The following DOCK9 variants were observed in gnomAD, a reference collection of about 807,000 sequenced individuals.
The protein encoded by DOCK9 is dedicator of cytokinesis protein 9.
In DOCK9, 89 loss-of-function variants were observed where a neutral mutation model predicts 263.3. The observed-to-expected ratio is 0.34, with a 90% CI of 0.28 to 0.40. DOCK9 has a LOEUF of 0.40. DOCK9 is among the 10% of genes least tolerant of loss of function. DOCK9 has a pLI of 1.00. For synonymous variants in DOCK9, 976 were observed against 973.1 expected, an observed-to-expected ratio of 1.00 and a Z score of -0.06; for missense variants, 2,140 against 2,603.4, an observed-to-expected ratio of 0.82 and a Z score of 3.87.
chr13:98,972,128 T>C (rs1226611558), intron 1 of DOCK9, among the ~76,000 whole-genome samples: 1 of 152,210 alleles, frequency 6.6e-6, no homozygotes, highest in East Asian at 1.9e-4. Flanking sequence ...ATGTGTAACT[T>C]TGAGCAAGAG....
intron 1 of DOCK9, among the ~76,000 whole-genome samples, chr13:98,994,015 T>C (rs564110317): frequency 2.0e-5 from 3 of 152,298 alleles, no homozygotes; most frequent in South Asian, 2.1e-4. Flanking sequence ...AAATGTGTGA[T>C]TGAAGGAAGA....
intron 4 of DOCK9, among the ~76,000 whole-genome samples, chr13:98,924,639 T>C (rs2052627972): frequency 6.6e-6 from 1 of 152,202 alleles, no homozygotes; most frequent in South Asian, 2.1e-4. Flanking sequence ...AATGAGTGAA[T>C]TCTTGTTCCT....
At chr13:99,043,331 A>G (rs1888655159) in intron 1 of DOCK9, among the ~76,000 whole-genome samples, 1 of 152,240 alleles carries the variant, frequency 6.6e-6, no homozygotes, top group Admixed American at 6.5e-5. Flanking sequence ...CCCTGAAGAC[A>G]GCCCACTCTC....
At chr13:99,046,250 T>A (rs1409595990) in intron 1 of DOCK9, among the ~76,000 whole-genome samples, 1 of 152,218 alleles carries the variant, frequency 6.6e-6, no homozygotes, top group Non-Finnish European at 1.5e-5. Context: ...ACCTCCCACC[T>A]GGCATATCTT....
chr13:98,813,253 T>C (rs1008448398), intron 45 of DOCK9, among the ~76,000 whole-genome samples: 1 of 152,234 alleles, frequency 6.6e-6, no homozygotes, highest in Non-Finnish European at 1.5e-5. Context: ...TCCAGCATGA[T>C]ATTGAATAGT....
At chr13:98,961,305 G>A (rs1319411390) in intron 1 of DOCK9, among the ~76,000 whole-genome samples, 1 of 152,130 alleles carries the variant, frequency 6.6e-6, no homozygotes, top group African/African-American at 2.4e-5. Context: ...GGTAAGCCCG[G>A]GGGCCCGCCC....
chr13:99,080,152 A>T (rs948209083), intron 1 of DOCK9, among the ~76,000 whole-genome samples: 13 of 152,152 alleles, frequency 8.5e-5, no homozygotes, highest in African/African-American at 3.1e-4. Context: ...ACTATAATTT[A>T]TTTCAGTATG....
chr13:98,957,752 G>A (rs147988340), intron 1 of DOCK9, among the ~76,000 whole-genome samples: 51 of 152,258 alleles, frequency 3.3e-4, no homozygotes, highest in East Asian at 2.1e-3. Flanking sequence ...CCTAGGAACC[G>A]TAACCATATT....
chr13:99,080,601 G>C (rs928112886), intron 1 of DOCK9, among the ~76,000 whole-genome samples: 5 of 152,104 alleles, frequency 3.3e-5, no homozygotes, highest in Non-Finnish European at 7.3e-5. Context: ...TCCTACCTGA[G>C]CATACTAAGC....
At chr13:98,797,699 G>A (rs2089602058) in intron 50 of DOCK9, among the ~76,000 whole-genome samples, 1 of 152,206 alleles carries the variant, frequency 6.6e-6, no homozygotes, top group Non-Finnish European at 1.5e-5. Context: ...CAGGGCACTT[G>A]TGATGATGGT....
chr13:98,937,114 T>A (rs1054254014), intron 2 of DOCK9, among the ~76,000 whole-genome samples: 1 of 152,144 alleles, frequency 6.6e-6, no homozygotes, highest in African/African-American at 2.4e-5. Context: ...ATGCCCAACA[T>A]AAAGGTGGGC....
intron 45 of DOCK9, 88 bp from the exon 46 acceptor site, chr13:98,810,379 T>C (rs2091194898): frequency 2.0e-6 from 3 of 1,516,234 alleles, no homozygotes; most frequent in South Asian, 2.4e-5. Context: ...GTGCTAAGAC[T>C]GCCAGGAGGA....
chr13:98,820,556 A>C (rs1198240241), intron 45 of DOCK9: 11 of 267,714 alleles, frequency 4.1e-5, no homozygotes, highest in Non-Finnish European at 7.3e-5. Context: ...TAGACAGAGG[A>C]GGCTGTTCCT....
chr13:98,860,458 C>T lies in DOCK9; in HGVS notation c.3644G>A (p.Ser1215Asn). 6.3e-7 allele frequency: 1 copy of T among 1,593,518 alleles called. No homozygotes were observed. Among genetic ancestry groups the T allele is most frequent in the South Asian group, 1.1e-5 (1 of 87,386 alleles). ...CTTGTGCAGGCTGTTGTCCAGGGTGCTTCCCTTCTGCGGCGTCACCAGCGG... is the reference window on the plus strand; with the variant it reads ...CTTGTGCAGGCTGTTGTCCAGGGTGTTTCCCTTCTGCGGCGTCACCAGCGG... ...VNPLVTPQKGSTLDNSLHKDL... is the reference protein window; with the variant it reads ...VNPLVTPQKGNTLDNSLHKDL... Residue 1215 changes from serine to asparagine, a missense_variant, in exon 33 of 53, where the codon AGC becomes AAC. By Grantham distance (46) the Ser-to-Asn change is conservative. Transcript: ENST00000682017.
intron 15 of DOCK9, 103 bp from the exon 16 acceptor site, chr13:98,888,814 C>T (rs1259886998): frequency 2.1e-6 from 2 of 944,360 alleles, no homozygotes; most frequent in East Asian, 4.9e-5. Context: ...GCCATAAAGA[C>T]AATTTTAAAC....
chr13:98,865,969 A>AG (rs1325239325), intron 30 of DOCK9, among the ~76,000 whole-genome samples: 1 of 143,872 alleles, frequency 7.0e-6, no homozygotes, highest in East Asian at 2.1e-4. Context: ...TGTGCAGAAT[A>AG]GGGGGGTGTG....
intron 1 of DOCK9, among the ~76,000 whole-genome samples, chr13:98,994,346 A>T (rs2141746597): frequency 6.6e-6 from 1 of 152,306 alleles, no homozygotes; most frequent in East Asian, 1.9e-4. Context: ...ATCTGGAAGC[A>T]TTTTTGGCTG....
chr13:98,859,102 T>C (rs1057098921), intron 33 of DOCK9: 1 of 152,244 alleles, frequency 6.6e-6, no homozygotes, highest in African/African-American at 2.4e-5. Flanking sequence ...AGGCTGCATC[T>C]GTCTGACTTT....
chr13:98,988,594 C>T (rs918140806), intron 1 of DOCK9, among the ~76,000 whole-genome samples: 4 of 152,198 alleles, frequency 2.6e-5, no homozygotes, highest in South Asian at 2.1e-4. Context: ...AATCAACACC[C>T]ATTTTTAAAG....
Sources: allele counts gnomAD v4.1 joint callset (sites outside exome capture counted in the v4.1 genomes callset), GRCh38; gene constraint gnomAD v4.1.1; transcripts MANE v1.5; gene names NCBI Gene and HGNC (gene_info 2026-07-23, HGNC 2026-07-21).